Variants in GSTCD observed in about 807,000 individuals in gnomAD.
The protein encoded by GSTCD is glutathione S-transferase C-terminal domain containing, also known as glutathione S-transferase C-terminal domain-containing protein.
A neutral mutation model predicts 68.3 loss-of-function variants in GSTCD; 44 were observed. The ratio of observed to expected loss-of-function variants is 0.64; its 90% CI spans 0.51 to 0.83. GSTCD has a LOEUF of 0.83. GSTCD is among the 40% of genes least tolerant of loss of function. The probability of loss-of-function intolerance (pLI) is 0.00; values close to 1 mark genes in which losing one functional copy is unlikely to be tolerated. For synonymous variants in GSTCD, 273 were observed against 255.2 expected (o/e 1.07, Z -0.67); for missense variants, 739 against 735.9 (o/e 1.00, Z -0.05).
At chr4:105,756,835 T>G (rs1453356394) in intron 5 of GSTCD, among the ~76,000 whole-genome samples, 1 of 152,008 alleles carries the variant, frequency 6.6e-6, no homozygotes, top group East Asian at 1.9e-4. Flanking sequence ...TGAGAGTAAG[T>G]TACATGCATT....
rs1323196982 is a variant in GSTCD at position 105,806,980 on chromosome 4, A to C, written c.1241-15974A>C. On this transcript the variant is annotated intron_variant, in intron 5 of 11. Transcript: ENST00000515279. ...ACTTTTTAAAATCCTCCCTTACCTC[A>C]CTTAGCCCTACACCGACCACGCCAT... Among the ~76,000 whole-genome samples, 5 of 151,932 alleles carry C rather than the reference A, an allele frequency of 3.3e-5. No individual in the cohort carries two copies. In the East Asian group the frequency reaches 9.6e-4, roughly 29 times the overall value.
intron 3 of GSTCD, among the ~76,000 whole-genome samples, chr4:105,725,283 A>G (rs974218299): frequency 6.6e-6 from 1 of 152,140 alleles, no homozygotes; most frequent in Non-Finnish European, 1.5e-5. Context: ...TTTGGCAATT[A>G]TGAATAAAGA....
chr4:105,776,338 G>A (rs1238180469), intron 5 of GSTCD, among the ~76,000 whole-genome samples: 1 of 152,096 alleles, frequency 6.6e-6, no homozygotes, highest in African/African-American at 2.4e-5. Context: ...CCATTCCAGG[G>A]TAGTGAATGG....
intron 1 of GSTCD, among the ~76,000 whole-genome samples, 161 bp from the exon 2 acceptor site, chr4:105,717,432 T>G (rs1667395359): frequency 6.6e-6 from 1 of 152,218 alleles, no homozygotes; most frequent in South Asian, 2.1e-4. Flanking sequence ...TTTTTTCTTT[T>G]GGAAGTCATT....
At chr4:105,737,132 G>A (rs1158960498) in intron 5 of GSTCD, among the ~76,000 whole-genome samples, 1 of 152,132 alleles carries the variant, frequency 6.6e-6, no homozygotes, top group Non-Finnish European at 1.5e-5. Flanking sequence ...AGATCCTATA[G>A]TAGTTCTAAT....
intron 9 of GSTCD, among the ~76,000 whole-genome samples, chr4:105,835,753 G>A (rs1724088522): frequency 6.6e-6 from 1 of 152,168 alleles, no homozygotes; most frequent in Non-Finnish European, 1.5e-5. Flanking sequence ...CAGGTCCTGA[G>A]TTCTTGTCCC....
At position 105,726,335 on chromosome 4, in the gene GSTCD, C is replaced by T. The variant is rs932447873; in HGVS notation, c.895-244C>T. Reference sequence around the variant, plus strand: ...AGGCAAAATTGTAAACACAGAAAGCCGATCAGTGGTTGTCTGCAACTGACT... The same window carrying T: ...AGGCAAAATTGTAAACACAGAAAGCTGATCAGTGGTTGTCTGCAACTGACT... On this transcript the variant is annotated intron_variant, in intron 3 of 11. Transcript: ENST00000515279. Among the ~76,000 whole-genome samples, 10 of 152,032 alleles carry T rather than the reference C, an allele frequency of 6.6e-5. 1 individual carries two copies. The highest frequency in any genetic ancestry group is 5.2e-4 in the Admixed American group (8 of 15,262).
chr4:105,739,924 T>A (rs1733579694), intron 5 of GSTCD, among the ~76,000 whole-genome samples: 1 of 152,096 alleles, frequency 6.6e-6, no homozygotes, highest in South Asian at 2.1e-4. Flanking sequence ...CAGCTCTAGC[T>A]GTGAGTGGGG....
Position 105,719,545 on chromosome 4 carries a change from CTG to C in GSTCD, c.894+20_894+21del, listed in dbSNP as rs1320216001. On this transcript the variant is annotated intron_variant, in intron 3 of 11. Coordinates refer to ENST00000515279, the MANE Select transcript of GSTCD (RefSeq NM_001370181.1). ...ATTTCTTGGTAAGGTTTCATCTGGA[CTG>C]TACACATTACTATGAGTTTCAGTCT... 3 of 1,552,590 alleles carry C rather than the reference CTG, an allele frequency of 1.9e-6. No homozygotes were observed. In the South Asian group the frequency reaches 3.3e-5, roughly 17 times the overall value.
At chr4:105,803,109 G>A (rs193142188) in intron 5 of GSTCD, among the ~76,000 whole-genome samples, 8 of 152,236 alleles carry the variant, frequency 5.3e-5, no homozygotes, top group Admixed American at 3.3e-4. Flanking sequence ...GACAAGGTCA[G>A]ACAGCTAATG....
Position 105,832,223 on chromosome 4 carries a change from C to A in GSTCD, c.1531-2238C>A, listed in dbSNP as rs151102745. ...CTTTTCTCCCTGGTTTGAAATACCA[C>A]CTTTATTGTATGATAAATTTCCATA... On this transcript the variant is annotated intron_variant, in intron 8 of 11. Transcript: ENST00000515279. Among the ~76,000 whole-genome samples, 252 of 152,138 alleles carry A rather than the reference C, an allele frequency of 1.7e-3. 7 individuals are homozygous for A. The East Asian group carries it at 0.042, about 26-fold the overall frequency.
intron 5 of GSTCD, among the ~76,000 whole-genome samples, chr4:105,733,238 A>G (rs1462960745): frequency 1.3e-5 from 2 of 152,078 alleles, no homozygotes; most frequent in Non-Finnish European, 2.9e-5. Flanking sequence ...ATTCCTGGCT[A>G]TCCTTGTGAA....
At chr4:105,733,214 T>C (rs1331201659) in intron 5 of GSTCD, among the ~76,000 whole-genome samples, 5 of 152,098 alleles carry the variant, frequency 3.3e-5, no homozygotes, top group Non-Finnish European at 7.4e-5. Flanking sequence ...TTGCTTGGTG[T>C]GGAGCTGAGT....
intron 5 of GSTCD, among the ~76,000 whole-genome samples, chr4:105,815,906 G>A (rs965956138): frequency 9.9e-5 from 15 of 152,136 alleles, no homozygotes; most frequent in Non-Finnish European, 2.2e-4. Flanking sequence ...TGCCAGAGCA[G>A]AGTAATGTTT....
At chr4:105,830,732 T>C (rs954959785) in intron 8 of GSTCD, among the ~76,000 whole-genome samples, 1 of 152,100 alleles carries the variant, frequency 6.6e-6, no homozygotes, top group Non-Finnish European at 1.5e-5. Context: ...GAAATTTATA[T>C]TGTAGAGCAT....
At chr4:105,733,311 G>A (rs568450053) in intron 5 of GSTCD, among the ~76,000 whole-genome samples, 1 of 152,292 alleles carries the variant, frequency 6.6e-6, no homozygotes, top group African/African-American at 2.4e-5. Flanking sequence ...CATTATTATT[G>A]TGTGGGAGTC....
chr4:105,791,757 T>G (rs182692355), intron 5 of GSTCD, among the ~76,000 whole-genome samples: 3 of 149,088 alleles, frequency 2.0e-5, no homozygotes, highest in Admixed American at 6.8e-5. Flanking sequence ...ACTAGGTACT[T>G]AAAACTTTTG....
chr4:105,744,389 A>G (rs1453789653), intron 5 of GSTCD, among the ~76,000 whole-genome samples: 1 of 152,186 alleles, frequency 6.6e-6, no homozygotes, highest in African/African-American at 2.4e-5. Flanking sequence ...TGCACTCACT[A>G]GTTTATATTC....
chr4:105,784,474 C>A (rs1043929902), intron 5 of GSTCD, among the ~76,000 whole-genome samples: 2 of 152,234 alleles, frequency 1.3e-5, no homozygotes, highest in Non-Finnish European at 2.9e-5. Flanking sequence ...ACCTGATCAC[C>A]TGTTATTAAG....
Sources: gnomAD v4.1 joint callset for allele counts (sites outside exome capture counted in the v4.1 genomes callset) on GRCh38, gnomAD v4.1.1 for gene constraint, MANE v1.5 for transcripts, NCBI Gene and HGNC (gene_info 2026-07-23, HGNC 2026-07-21) for gene names.